PBX4: variants seen among roughly 807,000 people sequenced by gnomAD.
The protein encoded by PBX4 is PBX homeobox 4, also known as pre-B-cell leukemia transcription factor 4.
A neutral mutation model predicts 35.1 loss-of-function variants in PBX4; 26 were observed. The observed-to-expected ratio is 0.74, with a 90% CI of 0.54 to 1.03. The LOEUF is 1.03. Ranked by LOEUF, PBX4 falls within the 50% of genes least tolerant of loss-of-function variation. The pLI is 0.00. For synonymous variants in PBX4, 199 were observed against 204.2 expected, an observed-to-expected ratio of 0.97 and a Z score of 0.22; for missense variants, 448 against 504.3, an observed-to-expected ratio of 0.89 and a Z score of 1.07.
intron 1 of PBX4, among the ~76,000 whole-genome samples, chr19:19,612,699 G>C (rs1418694238): frequency 6.6e-6 from 1 of 152,132 alleles, no homozygotes; most frequent in East Asian, 1.9e-4. Flanking sequence ...AGAAATGAGG[G>C]AGATTTGAAG....
chr19:19,611,484 G>C (rs1205849287), intron 1 of PBX4, among the ~76,000 whole-genome samples: 4 of 151,844 alleles, frequency 2.6e-5, no homozygotes, highest in Non-Finnish European at 4.4e-5. Context: ...TTCAAGACCA[G>C]CCTGGCCAAG....
chr19:19,569,139 G>C (rs1437284613), intron 5 of PBX4, among the ~76,000 whole-genome samples: 5 of 152,102 alleles, frequency 3.3e-5, no homozygotes, highest in African/African-American at 4.8e-5. Context: ...GCTCACTGCA[G>C]CCTCACCCTC....
At chr19:19,576,919 A>T (rs1330647509) in intron 2 of PBX4, among the ~76,000 whole-genome samples, 5 of 152,080 alleles carry the variant, frequency 3.3e-5, no homozygotes, top group African/African-American at 7.2e-5. Context: ...TGGCCCGAGG[A>T]TTTTAAAAAA....
intron 2 of PBX4, among the ~76,000 whole-genome samples, chr19:19,572,460 C>T (rs1470349520): frequency 6.6e-6 from 1 of 152,118 alleles, no homozygotes; most frequent in Non-Finnish European, 1.5e-5. Context: ...TAGTCATTTA[C>T]AAGTGTCCCT....
At chr19:19,587,823 T>G (rs544171091) in intron 2 of PBX4, among the ~76,000 whole-genome samples, 73 of 151,870 alleles carry the variant, frequency 4.8e-4, no homozygotes, top group African/African-American at 1.7e-3. Context: ...AGATCTTTGC[T>G]TCTCGAATTC....
At chr19:19,584,203 A>C (rs560237597) in intron 2 of PBX4, among the ~76,000 whole-genome samples, 17 of 152,280 alleles carry the variant, frequency 1.1e-4, no homozygotes, top group African/African-American at 3.6e-4. Flanking sequence ...GTGCCACTGC[A>C]CTCCAGCCTG....
chr19:19,565,693 G>A (rs976908234), intron 5 of PBX4, among the ~76,000 whole-genome samples: 1 of 152,042 alleles, frequency 6.6e-6, no homozygotes, highest in Non-Finnish European at 1.5e-5. Flanking sequence ...TGAGGTGGGG[G>A]GATCATCTGA....
chr19:19,569,478 C>G lies in PBX4; in HGVS notation c.739G>C (p.Ala247Pro). 1 of 1,613,116 alleles carries G rather than the reference C, an allele frequency of 6.2e-7. No homozygotes were observed. Among genetic ancestry groups the G allele is most frequent in the Non-Finnish European group, 8.5e-7 (1 of 1,179,538 alleles). Reference sequence around the variant, plus strand: ...GAGATGGTGAGGCCGCCCTTCCTGGCCAGCTCTTCTTTGGCTTCTTCGCTG... The same window carrying G: ...GAGATGGTGAGGCCGCCCTTCCTGGGCAGCTCTTCTTTGGCTTCTTCGCTG... ...YPSEEAKEEL[A>P]RKGGLTISQV... Residue 247 changes from alanine to proline, a missense_variant, in exon 5 of 8, where the codon GCC becomes CCC. By Grantham distance (27) the Ala-to-Pro change is conservative. Coordinates refer to ENST00000251203, the MANE Select transcript of PBX4 (RefSeq NM_025245.3).
intron 2 of PBX4, among the ~76,000 whole-genome samples, chr19:19,576,217 C>T (rs1421398723): frequency 8.8e-6 from 1 of 113,948 alleles, no homozygotes; most frequent in African/African-American, 3.7e-5. Context: ...TGGTGAGATC[C>T]TGTTTCTAAA....
intron 5 of PBX4, among the ~76,000 whole-genome samples, 169 bp from the exon 6 acceptor site, chr19:19,565,258 G>A (rs1163157972): frequency 1.3e-5 from 2 of 152,164 alleles, no homozygotes; most frequent in African/African-American, 4.8e-5. Flanking sequence ...TCTGAACCAC[G>A]GACCCAGGGA....
At chr19:19,584,539 T>TAACCCAGTTGTC (rs1283226821) in intron 2 of PBX4, among the ~76,000 whole-genome samples, 1 of 150,850 alleles carries the variant, frequency 6.6e-6, no homozygotes, top group African/African-American at 2.4e-5. Context: ...ACCCAGAGAG[T>TAACCCAGTTGTC]CATGGATGTA....
chr19:19,585,213 T>C (rs565605980), intron 2 of PBX4, among the ~76,000 whole-genome samples: 1 of 152,028 alleles, frequency 6.6e-6, no homozygotes, highest in African/African-American at 2.4e-5. Flanking sequence ...TAATTCCAGC[T>C]ACTTGGGGGG....
intron 1 of PBX4, among the ~76,000 whole-genome samples, chr19:19,615,333 C>T (rs1047036417): frequency 2.0e-5 from 3 of 150,598 alleles, no homozygotes; most frequent in Non-Finnish European, 4.4e-5. Flanking sequence ...GGTGACAGAG[C>T]GCGGCCTTAT....
chr19:19,569,901 C>A (rs1218853180), intron 4 of PBX4, among the ~76,000 whole-genome samples: 1 of 152,048 alleles, frequency 6.6e-6, no homozygotes, highest in Non-Finnish European at 1.5e-5. Context: ...CAGAGTGAGA[C>A]TCCGTCTCAA....
rs564859014 is a variant in PBX4 at position 19,562,528 on chromosome 19, G to C, written c.1033-411C>G. Reference sequence around the variant, plus strand: ...CTGAAACCTGGCCCAACACTGGCCTGGCTGGGCAGCAAGGAGGGTGGGAGG... The same window carrying C: ...CTGAAACCTGGCCCAACACTGGCCTCGCTGGGCAGCAAGGAGGGTGGGAGG... On this transcript the variant is annotated intron_variant, in intron 7 of 7. Transcript: ENST00000251203. This position sits in a 1 kb window ranked among gnomAD's most constrained non-coding sequence, Gnocchi z 4.8. Among the ~76,000 whole-genome samples, 1 of 152,316 alleles carries C rather than the reference G, an allele frequency of 6.6e-6. No individual in the cohort carries two copies. Among genetic ancestry groups the C allele is most frequent in the Admixed American group, 6.5e-5 (1 of 15,304 alleles).
chr19:19,578,015 TAAAAAAA>T (rs34023797), intron 2 of PBX4, among the ~76,000 whole-genome samples: 3 of 73,384 alleles, frequency 4.1e-5, no homozygotes, highest in Admixed American at 3.2e-4. Flanking sequence ...CCATCTCTAC[TAAAAAAA>T]AAAAAAAAAA....
At chr19:19,590,437 C>T (rs901904377) in intron 2 of PBX4, among the ~76,000 whole-genome samples, 8 of 151,762 alleles carry the variant, frequency 5.3e-5, no homozygotes, top group Non-Finnish European at 1.2e-4. Flanking sequence ...TACTCCATTG[C>T]ATGGATGGAC....
intron 2 of PBX4, among the ~76,000 whole-genome samples, chr19:19,572,707 A>G (rs1295233265): frequency 6.6e-6 from 1 of 151,578 alleles, no homozygotes; most frequent in African/African-American, 2.4e-5. Context: ...TCTACTAATT[A>G]GCCGGGCATG....
At chr19:19,610,252 G>A (rs1968047) in intron 1 of PBX4, among the ~76,000 whole-genome samples, 114,901 of 151,866 alleles carry the variant, frequency 0.76, 43,543 homozygotes, top group South Asian at 0.8. Context: ...CGTCTCTACT[G>A]AAAATACAAA....
Sources: gnomAD v4.1 joint callset for allele counts (sites outside exome capture counted in the v4.1 genomes callset) on GRCh38, gnomAD v4.1.1 for gene constraint, Gnocchi (gnomAD v3.1) non-coding constraint, MANE v1.5 for transcripts, NCBI Gene and HGNC (gene_info 2026-07-23, HGNC 2026-07-21) for gene names.